PPFIBP1: variants seen among roughly 807,000 people sequenced by gnomAD.
PPFIBP1 encodes the protein liprin-beta-1.
In PPFIBP1, 112 loss-of-function variants were observed where a neutral mutation model predicts 137.8. That is an observed-to-expected ratio of 0.81 (90% confidence interval 0.70 to 0.95). PPFIBP1 has a LOEUF of 0.95. Ranked by LOEUF, PPFIBP1 falls within the 40% of genes least tolerant of loss-of-function variation. The probability of loss-of-function intolerance (pLI) is 0.00; values close to 1 mark genes in which losing one functional copy is unlikely to be tolerated. For synonymous variants in PPFIBP1, 378 were observed against 417.3 expected, an observed-to-expected ratio of 0.91 and a Z score of 1.15; for missense variants, 1,083 against 1,196.6, an observed-to-expected ratio of 0.91 and a Z score of 1.40.
Position 27,692,822 on chromosome 12 carries a change from T to TAA in PPFIBP1, c.2960_2961dup (p.Asp988LysfsTer31), listed in dbSNP as rs2061636580. ...ACATGTTAAAAGAAGATGACATGTT[T>TAA]AAAGATTTTGCTGCCCGTTCCCCCA... On this transcript the variant is annotated frameshift_variant, in exon 30 of 30. Coordinates refer to ENST00000228425, the MANE Select transcript of PPFIBP1 (RefSeq NM_003622.4). LOFTEE classifies it high-confidence loss of function. 1 of 1,614,082 alleles carries TAA rather than the reference T, an allele frequency of 6.2e-7. No individual in the cohort carries two copies. The highest frequency in any genetic ancestry group is 8.5e-7 in the Non-Finnish European group (1 of 1,180,044).
intron 4 of PPFIBP1, among the ~76,000 whole-genome samples, chr12:27,645,376 C>T (rs973999718): frequency 3.9e-5 from 6 of 152,172 alleles, no homozygotes; most frequent in African/African-American, 1.4e-4. Flanking sequence ...ACAATCTATA[C>T]ATCGTTTCTC....
chr12:27,691,664 C>CA (rs536250546), intron 27 of PPFIBP1, 85 bp from the exon 28 acceptor site: 1,143 of 1,085,896 alleles, frequency 1.1e-3, no homozygotes, highest in Middle Eastern at 1.6e-3. Flanking sequence ...GGGGGCAACG[C>CA]AAAAAAAAAT....
intron 2 of PPFIBP1, among the ~76,000 whole-genome samples, chr12:27,583,928 T>C (rs544195818): frequency 0.017 from 2,567 of 152,302 alleles, 203 homozygotes; most frequent in Admixed American, 0.14. Flanking sequence ...ATGGCTGGTT[T>C]TTTGCACTCT....
rs1328805781 is a variant in PPFIBP1, at chr12:27,695,549, A to G, written c.*2667A>G. ...TACCATATGAAAGGAAATAAAGTCAATTGATAATTGCCTCATTTTTATTGC... is the reference window on the plus strand; with the variant it reads ...TACCATATGAAAGGAAATAAAGTCAGTTGATAATTGCCTCATTTTTATTGC... On this transcript the variant is annotated 3_prime_UTR_variant, in exon 30 of 30. Coordinates refer to ENST00000228425, the MANE Select transcript of PPFIBP1 (RefSeq NM_003622.4). 6.6e-6 allele frequency: 1 copy of G among 152,276 alleles called. No individual in the cohort carries two copies. The highest frequency in any genetic ancestry group is 1.5e-5 in the Non-Finnish European group (1 of 68,046). The allele number at this position is 152,276 out of a possible 1,614,324, so 9.4% of individuals were successfully genotyped here. A position where few individuals can be genotyped will look rare whatever the true frequency, so the allele number is the denominator to read the frequency against.
At chr12:27,672,984 A>G (rs1002154586) in intron 15 of PPFIBP1, among the ~76,000 whole-genome samples, 7 of 151,952 alleles carry the variant, frequency 4.6e-5, no homozygotes, top group Non-Finnish European at 1.0e-4. Flanking sequence ...CTTTCTCACT[A>G]TTATCTTTTA....
At chr12:27,682,761 A>C in intron 24 of PPFIBP1, 58 bp downstream of exon 24, 3 of 1,611,910 alleles carry the variant, frequency 1.9e-6, no homozygotes, top group Non-Finnish European at 2.5e-6. Flanking sequence ...TGAAAAACAC[A>C]GGAATTGAGT....
At chr12:27,605,499 T>C (rs2054436535) in intron 2 of PPFIBP1, among the ~76,000 whole-genome samples, 1 of 152,140 alleles carries the variant, frequency 6.6e-6, no homozygotes, top group Non-Finnish European at 1.5e-5. Flanking sequence ...TATTTTTCTA[T>C]AGGTAAATTT....
chr12:27,611,583 C>T (rs985889593), intron 2 of PPFIBP1, among the ~76,000 whole-genome samples: 10 of 152,120 alleles, frequency 6.6e-5, no homozygotes, highest in Non-Finnish European at 1.0e-4. Context: ...TCACATCATC[C>T]GTAGTTGAAC....
At chr12:27,647,092 C>T (rs1341398152) in intron 5 of PPFIBP1, among the ~76,000 whole-genome samples, 3 of 152,198 alleles carry the variant, frequency 2.0e-5, no homozygotes, top group Non-Finnish European at 4.4e-5. Flanking sequence ...ACCTCCACCT[C>T]CCGGATCCAA....
chr12:27,676,466 T>G lies in PPFIBP1; in HGVS notation c.1449T>G (p.Leu483=). Residue 483 remains leucine (L), a synonymous_variant, in exon 18 of 30, where the codon CTT becomes CTG. Coordinates refer to ENST00000228425, the MANE Select transcript of PPFIBP1 (RefSeq NM_003622.4). ...CAGAAAGCAGGCCATTTGGGACCCT[T>G]CCTCCCAGGCCCCCAGGGCAGGACA... The part of the protein sequence containing the change: ...APAESRPFGT[L]PPRPPGQDTS... 6.4e-7 allele frequency: 1 copy of G among 1,574,174 alleles called. No homozygotes were observed. The highest frequency in any genetic ancestry group is 8.6e-7 in the Non-Finnish European group (1 of 1,160,248).
chr12:27,648,287 A>G (rs2058666883), intron 6 of PPFIBP1, among the ~76,000 whole-genome samples: 1 of 152,210 alleles, frequency 6.6e-6, no homozygotes, highest in Admixed American at 6.5e-5. Flanking sequence ...GCAAATCAAA[A>G]CTGTAATGAG....
chr12:27,611,784 TGC>T (rs906716359), intron 2 of PPFIBP1, among the ~76,000 whole-genome samples: 1 of 93,036 alleles, frequency 1.1e-5, no homozygotes, highest in Non-Finnish European at 2.2e-5. Flanking sequence ...GTCAACACTG[TGC>T]TCTCTCTCTC....
At chr12:27,689,818 A>G (rs2061421742) in intron 27 of PPFIBP1, among the ~76,000 whole-genome samples, 1 of 152,110 alleles carries the variant, frequency 6.6e-6, no homozygotes, top group South Asian at 2.1e-4. Flanking sequence ...CGCCCCAGGA[A>G]GGTTGTATAC....
chr12:27,540,325 C>T (rs985613013), intron 1 of PPFIBP1, among the ~76,000 whole-genome samples: 2 of 151,244 alleles, frequency 1.3e-5, no homozygotes, highest in African/African-American at 2.4e-5. Context: ...ATAATGAATG[C>T]AAAGAGTTTG....
chr12:27,688,334 A>G lies in PPFIBP1; in HGVS notation c.2407A>G (p.Asn803Asp), dbSNP rs1279278196. Residue 803 changes from asparagine (N) to aspartate (D), a missense_variant, in exon 26 of 30, where the codon AAC (asparagine) becomes GAC (aspartate). Coordinates refer to ENST00000228425, the MANE Select transcript of PPFIBP1 (RefSeq NM_003622.4). ...CCCATCAGAAGTTCAGAAGTGGACTAACCATCGAGTGATGGAGTGGCTGCG... is the reference window on the plus strand; with the variant it reads ...CCCATCAGAAGTTCAGAAGTGGACTGACCATCGAGTGATGGAGTGGCTGCG... The part of the protein sequence containing the change: ...IAPSEVQKWT[N>D]HRVMEWLRSV... 2.5e-6 allele frequency: 4 copies of G among 1,613,974 alleles called. No individual in the cohort carries two copies. The highest frequency in any genetic ancestry group is 3.4e-6 in the Non-Finnish European group (4 of 1,179,934).
chr12:27,647,321 C>T (rs551553416), intron 5 of PPFIBP1, among the ~76,000 whole-genome samples: 4 of 152,230 alleles, frequency 2.6e-5, no homozygotes, highest in Admixed American at 6.5e-5. Context: ...CTACCCCTGG[C>T]CAGGTTCTTT....
At chr12:27,623,506 GC>G (rs1273071599) in intron 2 of PPFIBP1, among the ~76,000 whole-genome samples, 1 of 152,092 alleles carries the variant, frequency 6.6e-6, no homozygotes, top group Admixed American at 6.6e-5. Flanking sequence ...TGTGAGACCA[GC>G]CTGAGCTATA....
At chr12:27,619,567 T>C (rs114026881) in intron 2 of PPFIBP1, among the ~76,000 whole-genome samples, 3,062 of 152,312 alleles carry the variant, frequency 0.02, 96 homozygotes, top group African/African-American at 0.07. Context: ...AGGGAAATGC[T>C]GTCATACTCA....
chr12:27,658,453 G>A (rs2059348208), intron 9 of PPFIBP1, among the ~76,000 whole-genome samples: 1 of 152,142 alleles, frequency 6.6e-6, no homozygotes, highest in African/African-American at 2.4e-5. Context: ...CATTCAGGAG[G>A]ACCAGGTATC....
Sources: allele counts gnomAD v4.1 joint callset (sites outside exome capture counted in the v4.1 genomes callset), GRCh38; gene constraint gnomAD v4.1.1; transcripts MANE v1.5; gene names NCBI Gene and HGNC (gene_info 2026-07-23, HGNC 2026-07-21).